The following CSMD1 variants were observed in gnomAD, a reference collection of about 807,000 sequenced individuals.
The protein encoded by CSMD1 is CUB and sushi domain-containing protein 1.
CSMD1 carries 213 observed loss-of-function variants against 417.5 expected under a neutral mutation model. The ratio of observed to expected loss-of-function variants is 0.51; its 90% CI spans 0.46 to 0.57. The LOEUF (loss-of-function observed/expected upper bound fraction) is 0.57, where lower values mean the gene tolerates loss of function less well. Among genes scored for constraint, CSMD1 ranks in the 20% least tolerant of loss-of-function variants. The pLI is 0.00. For synonymous variants in CSMD1, 2,862 were observed against 1,736.8 expected, an observed-to-expected ratio of 1.65 and a Z score of -16.11; for missense variants, 6,923 against 4,529.7, an observed-to-expected ratio of 1.53 and a Z score of -15.17.
chr8:3,878,119 C>G (rs551470033), intron 5 of CSMD1, among the ~76,000 whole-genome samples: 1 of 152,248 alleles, frequency 6.6e-6, no homozygotes, highest in East Asian at 1.9e-4. Context: ...TCCTCCTTCC[C>G]TGCCCACATT....
chr8:4,305,331 G>A (rs1798188274), intron 3 of CSMD1, among the ~76,000 whole-genome samples: 2 of 152,114 alleles, frequency 1.3e-5, no homozygotes, highest in South Asian at 2.1e-4. Flanking sequence ...AAGCCAGGCA[G>A]CAAGAGAAGT....
chr8:3,526,795 G>A (rs940572572), intron 10 of CSMD1, among the ~76,000 whole-genome samples: 1 of 152,180 alleles, frequency 6.6e-6, no homozygotes, highest in African/African-American at 2.4e-5. Context: ...ATTTGCAGCA[G>A]ACGACGCTGG....
At chr8:3,139,637 G>C (rs943285480) in intron 41 of CSMD1, among the ~76,000 whole-genome samples, 3 of 152,168 alleles carry the variant, frequency 2.0e-5, no homozygotes, top group Non-Finnish European at 4.4e-5. Context: ...CTATGTTTTA[G>C]AAATTAGAAG....
In CSMD1 at chr8:3,409,503, G is replaced by A. The variant is rs1278175938; in HGVS notation, c.1664C>T (p.Ala555Val). The change falls in exon 13 of 70, where the codon GCG (alanine) becomes GTG (valine). Residue 555 changes from alanine to valine, a missense_variant. Transcript: ENST00000635120. ...TCTCTCCCCCACCAGCTCAAAGGCC[G>A]CCGGGCATTCAAAGGTGAGTGTATC... is the stretch of plus-strand genomic sequence containing the variant. ...HGDTLTFECP[A>V]AFELVGERVI... is the part of the protein sequence containing the mutation. 4 of 1,610,980 alleles carry A rather than the reference G, an allele frequency of 2.5e-6. No homozygotes were observed. In the African/African-American group the frequency reaches 4.0e-5, roughly 16 times the overall value.
At chr8:3,633,002 T>C (rs1046282812) in intron 7 of CSMD1, among the ~76,000 whole-genome samples, 3 of 152,248 alleles carry the variant, frequency 2.0e-5, no homozygotes, top group African/African-American at 7.2e-5. Flanking sequence ...ACCTGAGAGA[T>C]ATGTTTCCTC....
chr8:3,334,238 C>A lies in CSMD1; in HGVS notation c.3631+9056G>T, dbSNP rs141209830. 2.4e-3 allele frequency among the ~76,000 whole-genome samples: 359 copies of A among 152,232 alleles called. 3 individuals carry two copies. Among genetic ancestry groups the A allele is most frequent in the African/African-American group, 8.2e-3 (342 of 41,530 alleles). On this transcript the variant is annotated intron_variant, in intron 23 of 69. Coordinates refer to ENST00000635120, the MANE Select transcript of CSMD1 (RefSeq NM_033225.6). ...TGATCAACGCATAATTTCAGGGACT[C>A]CAAATGATGGATTCTGACATACCCT...
chr8:4,284,871 T>C (rs2128862732), intron 3 of CSMD1, among the ~76,000 whole-genome samples: 1 of 152,162 alleles, frequency 6.6e-6, no homozygotes, highest in East Asian at 1.9e-4. Context: ...AAAAAACTAG[T>C]TTAAAAAACA....
intron 5 of CSMD1, among the ~76,000 whole-genome samples, chr8:3,860,285 T>C (rs1286781942): frequency 6.6e-6 from 1 of 152,114 alleles, no homozygotes; most frequent in African/African-American, 2.4e-5. Flanking sequence ...ACTCTGCCCT[T>C]GGGAAACGTC....
rs567371205 is a variant in CSMD1 at position 3,421,525 on chromosome 8, T to C, written c.1562-11920A>G. ...AGTTCTCACTATGAAAATAACAATT[T>C]TGTAGACTTTAGTAACATCAGCCAA... On this transcript the variant is annotated intron_variant, in intron 12 of 69. Coordinates refer to ENST00000635120, the MANE Select transcript of CSMD1 (RefSeq NM_033225.6). 2.0e-5 allele frequency among the ~76,000 whole-genome samples: 3 copies of C among 152,386 alleles called. No individual in the cohort carries two copies. The South Asian group carries it at 6.2e-4, about 32-fold the overall frequency.
intron 1 of CSMD1, among the ~76,000 whole-genome samples, chr8:4,825,192 G>T (rs1042691958): frequency 5.3e-5 from 8 of 152,058 alleles, no homozygotes; most frequent in African/African-American, 1.9e-4. Context: ...TTTTTGAAGA[G>T]ATGTAATCAA....
intron 1 of CSMD1, among the ~76,000 whole-genome samples, chr8:4,767,562 G>A (rs1675304643): frequency 6.6e-6 from 1 of 152,064 alleles, no homozygotes; most frequent in Non-Finnish European, 1.5e-5. Context: ...GTGTTCTGGG[G>A]CCTCTCCTCC....
intron 41 of CSMD1, among the ~76,000 whole-genome samples, chr8:3,131,499 T>A (rs1276243338): frequency 6.9e-6 from 1 of 145,912 alleles, no homozygotes; most frequent in East Asian, 2.0e-4. Flanking sequence ...TGACATGGAG[T>A]CTCACTCTAT....
intron 1 of CSMD1, among the ~76,000 whole-genome samples, chr8:4,907,571 G>T (rs545183933): frequency 2.6e-5 from 4 of 151,890 alleles, no homozygotes; most frequent in East Asian, 1.9e-4. Context: ...TGTTTTATTG[G>T]TTTTTTGAGA....
chr8:4,228,383 G>T (rs774817334), intron 3 of CSMD1, among the ~76,000 whole-genome samples: 27 of 151,956 alleles, frequency 1.8e-4, no homozygotes, highest in Non-Finnish European at 3.5e-4. Flanking sequence ...AACCGCTCAT[G>T]TCAAGGTTAT....
At chr8:4,816,868 G>C (rs921502140) in intron 1 of CSMD1, among the ~76,000 whole-genome samples, 2 of 152,092 alleles carry the variant, frequency 1.3e-5, no homozygotes, top group Non-Finnish European at 1.5e-5. Flanking sequence ...TCATATGGGG[G>C]TCTCAGAAAC....
intron 10 of CSMD1, among the ~76,000 whole-genome samples, chr8:3,558,622 G>GAATGGTGTCTC (rs1799319142): frequency 7.4e-6 from 1 of 134,634 alleles, no homozygotes; most frequent in South Asian, 2.4e-4. Flanking sequence ...CTCCAATGAT[G>GAATGGTGTCTC]AATAGTGCCT....
At chr8:4,723,708 G>C (rs939987261) in intron 1 of CSMD1, among the ~76,000 whole-genome samples, 1 of 147,384 alleles carries the variant, frequency 6.8e-6, no homozygotes, top group Non-Finnish European at 1.5e-5. Flanking sequence ...AAATGTCCAG[G>C]TATACATAAA....
At chr8:4,807,123 G>C (rs1798634603) in intron 1 of CSMD1, among the ~76,000 whole-genome samples, 1 of 152,116 alleles carries the variant, frequency 6.6e-6, no homozygotes, top group South Asian at 2.1e-4. Context: ...AAATTAATGG[G>C]AAATACAGAA....
At chr8:3,552,071 A>C (rs2116788567) in intron 10 of CSMD1, among the ~76,000 whole-genome samples, 1 of 152,328 alleles carries the variant, frequency 6.6e-6, no homozygotes, top group Non-Finnish European at 1.5e-5. Context: ...GTATTGTGAA[A>C]ACAAATGGTA....
Sources: gnomAD v4.1 joint callset for allele counts (sites outside exome capture counted in the v4.1 genomes callset) on GRCh38, gnomAD v4.1.1 for gene constraint, MANE v1.5 for transcripts, NCBI Gene and HGNC (gene_info 2026-07-23, HGNC 2026-07-21) for gene names.